NCOA2: variants seen among roughly 807,000 people sequenced by gnomAD.
The protein encoded by NCOA2 is class E basic helix-loop-helix protein 75.
A neutral mutation model predicts 145.1 loss-of-function variants in NCOA2; 21 were observed. The observed-to-expected ratio is 0.14, with a 90% CI of 0.10 to 0.21. NCOA2 has a LOEUF of 0.21. Among genes scored for constraint, NCOA2 ranks in the 10% least tolerant of loss-of-function variants. NCOA2 has a pLI of 1.00. For synonymous variants in NCOA2, 619 were observed against 637.5 expected, an observed-to-expected ratio of 0.97 and a Z score of 0.44; for missense variants, 1,472 against 1,837.6, an observed-to-expected ratio of 0.80 and a Z score of 3.64.
intron 3 of NCOA2, among the ~76,000 whole-genome samples, chr8:70,215,853 G>A (rs4483195): frequency 0.89 from 136,197 of 152,206 alleles, 61,377 homozygotes; most frequent in African/African-American, 0.95. Flanking sequence ...TGTTTATACA[G>A]ATGGCAATAT....
upstream of NCOA2, among the ~76,000 whole-genome samples, chr8:70,406,754 C>T (rs1005382409): frequency 6.6e-6 from 1 of 152,136 alleles, no homozygotes; most frequent in Non-Finnish European, 1.5e-5. Flanking sequence ...TCTGCCTTTT[C>T]TTCCACAGTT....
Position 70,357,143 on chromosome 8 carries a change from C to T in NCOA2, c.-77+46557G>A, listed in dbSNP as rs1365034559. ...ATTATTTTAGCTATCAAATTCTAAT[C>T]TTCAAAATTTATTTGAAATGCCCTC... On this transcript the variant is annotated intron_variant, in intron 1 of 22. Transcript: ENST00000452400. 5.3e-5 allele frequency among the ~76,000 whole-genome samples: 8 copies of T among 152,278 alleles called. No individual in the cohort carries two copies. The East Asian group carries it at 1.5e-3, about 29-fold the overall frequency.
chr8:70,141,339 C>T lies in NCOA2; in HGVS notation c.2873G>A (p.Ser958Asn), dbSNP rs1216816195. 6.2e-7 allele frequency: 1 copy of T among 1,613,972 alleles called. No individual in the cohort carries two copies. The highest frequency in any genetic ancestry group is 1.1e-5 in the South Asian group (1 of 91,074). The change falls in exon 14 of 23, where the codon AGT (serine) becomes AAT (asparagine). Residue 958 changes from serine to asparagine, a missense_variant. Physicochemically the swap from Ser to Asn is conservative, Grantham distance 46 (BLOSUM62 1). Coordinates refer to ENST00000452400, the MANE Select transcript of NCOA2 (RefSeq NM_006540.4). ...AGCACAGGTGACTCTCACAGCCGAA[C>T]TCTGCGGTGCCCATTCTCCAGATGG... ...TMPSGEWAPQ[S>N]SAVRVTCAAT...
the NCOA2 span, among the ~76,000 whole-genome samples, chr8:70,434,769 C>T: frequency 1.3e-5 from 2 of 152,072 alleles, no homozygotes; most frequent in African/African-American, 4.8e-5. Context: ...AGGGGTAATA[C>T]TGTGTTGCTC....
In NCOA2 at chr8:70,156,211, C is replaced by T. The variant is rs765304935; in HGVS notation, c.2154G>A (p.Glu718=). The T allele has an allele frequency of 3.7e-6, 6 of 1,613,988 alleles. No individual in the cohort carries two copies. The Admixed American group carries it at 1.0e-4, about 27-fold the overall frequency. ...AEATGKDLSQ[E]SSSTAPGSEV... ...CTGATCCAGGAGCTGTGCTGCTGGA[C>T]TCCTGGCTCAGGTCTTTGCCTGTGG... The change falls in exon 11 of 23, where the codon GAG becomes GAA. Residue 718 remains glutamate (E), a synonymous_variant. Coordinates refer to ENST00000452400, the MANE Select transcript of NCOA2 (RefSeq NM_006540.4).
chr8:70,218,218 T>TTA (rs397812759), intron 2 of NCOA2, among the ~76,000 whole-genome samples: 7 of 150,110 alleles, frequency 4.7e-5, no homozygotes, highest in Non-Finnish European at 1.0e-4. Context: ...TTTTTTTTTT[T>TTA]AAAGAGTCAT....
rs371139839 is a variant in NCOA2, at chr8:70,138,295, C to G, written c.3066G>C (p.Gln1022His). ...SELEMNMGGP[Q>H]YSQQQAPPNQ... ...TTGGAGGAGCTTGTTGTTGGCTATACTGAGGTCCCCCCATGTTCATCTCTA... is the reference window on the plus strand; with the variant it reads ...TTGGAGGAGCTTGTTGTTGGCTATAGTGAGGTCCCCCCATGTTCATCTCTA... Residue 1022 changes from glutamine to histidine, a missense_variant, in exon 15 of 23, where the codon CAG becomes CAC. By Grantham distance (24) the Gln-to-His change is conservative. Coordinates refer to ENST00000452400, the MANE Select transcript of NCOA2 (RefSeq NM_006540.4). 9.2e-5 allele frequency: 149 copies of G among 1,613,250 alleles called. No homozygotes were observed. The African/African-American group carries it at 1.8e-3, about 19-fold the overall frequency.
chr8:70,439,472 G>A, the NCOA2 span, among the ~76,000 whole-genome samples: 2 of 152,164 alleles, frequency 1.3e-5, no homozygotes, highest in African/African-American at 2.4e-5. Flanking sequence ...AGGCACTCGG[G>A]GGGAGGAAAC....
intron 1 of NCOA2, among the ~76,000 whole-genome samples, chr8:70,386,099 T>C (rs946760729): frequency 2.0e-5 from 3 of 152,150 alleles, no homozygotes; most frequent in Non-Finnish European, 4.4e-5. Flanking sequence ...GAAAGAGGAT[T>C]CCATGACCCT....
upstream of NCOA2, chr8:70,403,834 TCCTCCCCCAACTC>T: frequency 2.6e-6 from 1 of 387,918 alleles, no homozygotes; most frequent in Non-Finnish European, 4.5e-6. Context: ...TCAATGGAGA[TCCTCCCCCAACTC>T]CCTCCTCCTC....
At chr8:70,317,748 T>C (rs899518121) in intron 1 of NCOA2, among the ~76,000 whole-genome samples, 4 of 152,062 alleles carry the variant, frequency 2.6e-5, no homozygotes, top group East Asian at 1.9e-4. Flanking sequence ...GGGGCATCTA[T>C]TGGTATGTAG....
rs1179889306 is a variant in NCOA2, at chr8:70,403,757, C to T, written c.-134G>A. 3 of 397,744 alleles carry T rather than the reference C, an allele frequency of 7.5e-6. No homozygotes were observed. Among genetic ancestry groups the T allele is most frequent in the Non-Finnish European group, 1.3e-5 (3 of 225,540 alleles). The allele number at this position is 397,744 out of a possible 1,614,324, so 24.6% of individuals were successfully genotyped here. ...CTGCCGTCGGCGCTGACCTTCGCCG[C>T]CGAAGCTGTAGCCGAGGCTGCGGCC... is the stretch of plus-strand genomic sequence containing the variant. On this transcript the variant is annotated 5_prime_UTR_variant, in exon 1 of 23. Transcript: ENST00000452400.
chr8:70,265,327 T>A (rs2135154153), intron 2 of NCOA2, among the ~76,000 whole-genome samples: 1 of 152,326 alleles, frequency 6.6e-6, no homozygotes, highest in East Asian at 1.9e-4. Context: ...GGATCCATGC[T>A]GGCACCATGA....
chr8:70,359,703 TAA>T (rs1408187588), intron 1 of NCOA2, among the ~76,000 whole-genome samples: 3 of 152,176 alleles, frequency 2.0e-5, no homozygotes, highest in African/African-American at 4.8e-5. Flanking sequence ...TTAAAAAGGT[TAA>T]GTCTATATTA....
chr8:70,451,461 T>G, the NCOA2 span, among the ~76,000 whole-genome samples: 1 of 150,110 alleles, frequency 6.7e-6, no homozygotes, highest in Non-Finnish European at 1.5e-5. Flanking sequence ...TTTCTCTAAG[T>G]ATCCTAACAC....
chr8:70,146,277 TATG>T (rs1811055449), intron 12 of NCOA2, among the ~76,000 whole-genome samples: 2 of 152,330 alleles, frequency 1.3e-5, no homozygotes, highest in African/African-American at 2.4e-5. Flanking sequence ...TTGGATTTGA[TATG>T]ATTTTTATAG....
At chr8:70,389,104 T>C (rs1812941261) in intron 1 of NCOA2, among the ~76,000 whole-genome samples, 3 of 152,162 alleles carry the variant, frequency 2.0e-5, no homozygotes, top group Admixed American at 2.0e-4. Context: ...AATATCACTG[T>C]CTTTATACTA....
intron 1 of NCOA2, among the ~76,000 whole-genome samples, chr8:70,367,198 T>C (rs890859054): frequency 6.6e-6 from 1 of 152,216 alleles, no homozygotes; most frequent in African/African-American, 2.4e-5. Context: ...ACCATAGCTA[T>C]CTCCTTTAAT....
upstream of NCOA2, among the ~76,000 whole-genome samples, chr8:70,407,047 T>C (rs1814793456): frequency 6.6e-6 from 1 of 152,246 alleles, no homozygotes. Flanking sequence ...AAGCTCTTTA[T>C]ACAGATGTAA....
Sources: allele counts gnomAD v4.1 joint callset (sites outside exome capture counted in the v4.1 genomes callset), GRCh38; gene constraint gnomAD v4.1.1; transcripts MANE v1.5; gene names NCBI Gene and HGNC (gene_info 2026-07-23, HGNC 2026-07-21).